CSMD3: variants seen among roughly 807,000 people sequenced by gnomAD.
CSMD3 encodes the protein CUB and sushi domain-containing protein 3.
Under a neutral mutation model 435.2 loss-of-function variants are expected in CSMD3, and 177 were observed. The observed-to-expected ratio is 0.41, with a 90% CI of 0.36 to 0.46. The LOEUF (loss-of-function observed/expected upper bound fraction) is 0.46. Ranked by LOEUF, CSMD3 falls within the 20% of genes least tolerant of loss-of-function variation. The probability of loss-of-function intolerance (pLI) is 0.34; values close to 1 mark genes in which losing one functional copy is unlikely to be tolerated. For missense variants in CSMD3, 4,265 were observed against 4,504.6 expected (o/e 0.95, Z 1.52); for synonymous variants, 1,656 against 1,520.5 (o/e 1.09, Z -2.07).
At position 112,352,398 on chromosome 8, in the gene CSMD3, A is replaced by G. The variant is rs773729600; in HGVS notation, c.6255+18T>C. 6.2e-7 allele frequency: 1 copy of G among 1,612,764 alleles called. No homozygotes were observed. Among genetic ancestry groups the G allele is most frequent in the African/African-American group, 1.3e-5 (1 of 74,872 alleles). On this transcript the variant is annotated intron_variant, in intron 39 of 70. Transcript: ENST00000297405. The stretch of plus-strand genomic sequence containing the variant: ...AAGGGCCATGAAAATCAAAACCACA[A>G]CTTTAAAATAGACTTACCTGAAGAG...
intron 10 of CSMD3, among the ~76,000 whole-genome samples, chr8:112,873,699 T>C: frequency 6.6e-6 from 1 of 152,128 alleles, no homozygotes; most frequent in Admixed American, 6.6e-5. Context: ...TTTATTTGTG[T>C]AGAGGATTTT....
At chr8:112,689,101 T>C (rs1462198452) in intron 14 of CSMD3, among the ~76,000 whole-genome samples, 1 of 152,076 alleles carries the variant, frequency 6.6e-6, no homozygotes, top group Non-Finnish European at 1.5e-5. Flanking sequence ...TAATCTTGGT[T>C]AAAGATAAGA....
At chr8:112,898,706 A>T (rs2082020434) in intron 10 of CSMD3, among the ~76,000 whole-genome samples, 1 of 151,282 alleles carries the variant, frequency 6.6e-6, no homozygotes, top group South Asian at 2.1e-4. Flanking sequence ...GTGCATGCAC[A>T]CCAACATGTA....
intron 11 of CSMD3, among the ~76,000 whole-genome samples, chr8:112,858,839 G>A (rs1447351191): frequency 6.6e-6 from 1 of 151,792 alleles, no homozygotes; most frequent in Non-Finnish European, 1.5e-5. Context: ...CACAAAAACA[G>A]CCACTATTCA....
chr8:113,144,844 T>C (rs1240181913), intron 4 of CSMD3, among the ~76,000 whole-genome samples: 2 of 151,486 alleles, frequency 1.3e-5, no homozygotes, highest in Non-Finnish European at 3.0e-5. Flanking sequence ...TGGAGCTTAG[T>C]AGGGGAGAAG....
chr8:113,367,636 G>A (rs745491526), intron 1 of CSMD3, among the ~76,000 whole-genome samples: 3 of 152,090 alleles, frequency 2.0e-5, no homozygotes, highest in Middle Eastern at 6.8e-3. Flanking sequence ...TACACCATAC[G>A]CCTTCTTGCT....
At chr8:112,362,586 T>G (rs992053398) in intron 38 of CSMD3, among the ~76,000 whole-genome samples, 2 of 152,006 alleles carry the variant, frequency 1.3e-5, no homozygotes, top group Non-Finnish European at 2.9e-5. Flanking sequence ...TTGCGTGCTC[T>G]GTATCATGTT....
At chr8:113,365,376 A>G (rs180941175) in intron 1 of CSMD3, among the ~76,000 whole-genome samples, 1 of 152,166 alleles carries the variant, frequency 6.6e-6, no homozygotes, top group East Asian at 1.9e-4. Flanking sequence ...AGTAAAAATA[A>G]AAGTGTTATT....
chr8:112,955,489 C>T (rs2083982377), intron 7 of CSMD3, among the ~76,000 whole-genome samples: 1 of 151,804 alleles, frequency 6.6e-6, no homozygotes, highest in Non-Finnish European at 1.5e-5. Context: ...ACATTCATCA[C>T]TGCAAATATC....
intron 14 of CSMD3, among the ~76,000 whole-genome samples, chr8:112,685,946 T>G (rs1016474980): frequency 4.7e-5 from 7 of 149,348 alleles, no homozygotes; most frequent in African/African-American, 7.5e-5. Context: ...CCTTAAATAA[T>G]GCACAAAAAT....
chr8:113,239,374 A>G (rs1168586246), intron 3 of CSMD3, among the ~76,000 whole-genome samples: 2 of 152,064 alleles, frequency 1.3e-5, no homozygotes, highest in Non-Finnish European at 2.9e-5. Context: ...TTAATTTTGC[A>G]TATTTGGTAC....
Position 112,465,189 on chromosome 8 carries a change from G to GA in CSMD3, c.5395+7401dup, listed in dbSNP as rs1399934013. ...CCTATTTTAGCTGCTTTTAAGCCTG[G>GA]AAAAAATTAATGCCCCCTCGTGGTG... is the stretch of plus-strand genomic sequence containing the variant. On this transcript the variant is annotated intron_variant, in intron 32 of 70. Transcript: ENST00000297405. Among the ~76,000 whole-genome samples the GA allele has an allele frequency of 1.1e-4, 17 of 152,146 alleles. No individual in the cohort carries two copies. The South Asian group carries it at 2.3e-3, about 20-fold the overall frequency.
intron 13 of CSMD3, among the ~76,000 whole-genome samples, chr8:112,769,690 T>C (rs565515238): frequency 1.3e-5 from 2 of 152,126 alleles, no homozygotes; most frequent in South Asian, 2.1e-4. Flanking sequence ...TTTAATTAGA[T>C]ATTTTGGTTG....
rs745495248 is a variant in CSMD3 at position 112,719,001 on chromosome 8, A to G, written c.1973-28951T>C. Among the ~76,000 whole-genome samples the G allele has an allele frequency of 3.9e-5, 6 of 152,288 alleles. No individual in the cohort carries two copies. In the Middle Eastern group the frequency reaches 0.01, roughly 259 times the overall value. On this transcript the variant is annotated intron_variant, in intron 13 of 70. Transcript: ENST00000297405. Reference sequence around the variant, plus strand: ...TGAAGAGAAAGCATTTTTCTGTATAAATTCACTCTGAATTTATTGAAGACA... The same window carrying G: ...TGAAGAGAAAGCATTTTTCTGTATAGATTCACTCTGAATTTATTGAAGACA...
chr8:112,653,935 G>T (rs1383038747), intron 18 of CSMD3, among the ~76,000 whole-genome samples: 1 of 152,064 alleles, frequency 6.6e-6, no homozygotes, highest in African/African-American at 2.4e-5. Context: ...TGGGATTACA[G>T]GCGTGAGCCA....
At chr8:113,376,603 T>A (rs2133081214) in intron 1 of CSMD3, 1 of 913,794 alleles carries the variant, frequency 1.1e-6, no homozygotes, top group Non-Finnish European at 1.7e-6. Flanking sequence ...CAATTTTTTT[T>A]AATCCTCATC....
intron 7 of CSMD3, among the ~76,000 whole-genome samples, chr8:112,957,941 C>T (rs533261458): frequency 6.4e-4 from 96 of 149,892 alleles, no homozygotes; most frequent in African/African-American, 2.2e-3. Flanking sequence ...GACAGGGTTT[C>T]ACCATGTTGG....
intron 13 of CSMD3, among the ~76,000 whole-genome samples, chr8:112,693,951 G>A (rs912962385): frequency 3.3e-5 from 5 of 151,450 alleles, no homozygotes; most frequent in African/African-American, 1.2e-4. Flanking sequence ...CTAATTCACT[G>A]TTTAGTTTTA....
intron 28 of CSMD3, among the ~76,000 whole-genome samples, chr8:112,511,476 G>A (rs1396195752): frequency 2.1e-5 from 3 of 144,568 alleles, no homozygotes; most frequent in Non-Finnish European, 4.5e-5. Flanking sequence ...TGCAAGCTCC[G>A]TCTCCCGGGT....
Sources: allele counts gnomAD v4.1 joint callset (sites outside exome capture counted in the v4.1 genomes callset), GRCh38; gene constraint gnomAD v4.1.1; transcripts MANE v1.5; gene names NCBI Gene and HGNC (gene_info 2026-07-23, HGNC 2026-07-21).